Variants in ANAPC10 observed in about 807,000 individuals in gnomAD.
ANAPC10 encodes anaphase-promoting complex subunit 10.
Under a neutral mutation model 22.0 loss-of-function variants are expected in ANAPC10, and 12 were observed. That is an observed-to-expected ratio of 0.55 (90% CI 0.35 to 0.88). The LOEUF is 0.88. Among genes scored for constraint, ANAPC10 ranks in the 40% least tolerant of loss-of-function variants. ANAPC10 has a pLI of 0.01. For missense variants in ANAPC10, 188 were observed against 220.9 expected, an observed-to-expected ratio of 0.85 and a Z score of 0.94; for synonymous variants, 65 against 69.5, an observed-to-expected ratio of 0.94 and a Z score of 0.32.
At chr4:145,089,165 T>C (rs1747314325) in intron 2 of ANAPC10, among the ~76,000 whole-genome samples, 1 of 152,202 alleles carries the variant, frequency 6.6e-6, no homozygotes, top group Non-Finnish European at 1.5e-5. Context: ...CAAATATCAC[T>C]ATTCAACTCA....
intron 4 of ANAPC10, among the ~76,000 whole-genome samples, chr4:145,008,927 T>C (rs890525513): frequency 6.6e-6 from 1 of 151,950 alleles, no homozygotes; most frequent in African/African-American, 2.4e-5. Flanking sequence ...CATGATTATA[T>C]ATTTAGAAAA....
At chr4:144,999,732 C>G (rs1483411206) in intron 4 of ANAPC10, among the ~76,000 whole-genome samples, 1 of 152,140 alleles carries the variant, frequency 6.6e-6, no homozygotes, top group Non-Finnish European at 1.5e-5. Context: ...CAAAAAAGAG[C>G]CCGCATTGCC....
At chr4:145,039,185 A>C (rs866372724) in intron 4 of ANAPC10, among the ~76,000 whole-genome samples, 76 of 152,292 alleles carry the variant, frequency 5.0e-4, no homozygotes, top group African/African-American at 1.8e-3. Context: ...CAACATTTAC[A>C]ATAAAAACAA....
chr4:145,004,892 T>C (rs569128247), intron 4 of ANAPC10, among the ~76,000 whole-genome samples: 9 of 151,910 alleles, frequency 5.9e-5, no homozygotes, highest in Non-Finnish European at 1.2e-4. Context: ...TCCCTCTTCC[T>C]CAAAATTTCA....
At chr4:145,013,994 C>T (rs947288967) in intron 4 of ANAPC10, among the ~76,000 whole-genome samples, 5 of 152,040 alleles carry the variant, frequency 3.3e-5, no homozygotes, top group South Asian at 2.1e-4. Flanking sequence ...TTCAGGAGGG[C>T]GGCCAGCGGT....
At position 145,096,052 on chromosome 4, in the gene ANAPC10, C is replaced by T; in HGVS notation, c.48G>A (p.Leu16=). 6.2e-7 allele frequency: 1 copy of T among 1,614,130 alleles called. No individual in the cohort carries two copies. ...KTPPGADPKQ[L]ERTGTVREIG... is the part of the protein sequence containing the mutation. ...TTTCCCGTACTGTTCCAGTCCTTTC[C>T]AACTGCTTGGGGTCAGCACCAGGAG... is the stretch of plus-strand genomic sequence containing the variant. Residue 16 remains leucine, a synonymous_variant, in exon 2 of 5, where the codon TTG becomes TTA. Transcript: ENST00000507656.
chr4:145,094,415 G>A (rs1579185149), intron 2 of ANAPC10, among the ~76,000 whole-genome samples: 2 of 152,142 alleles, frequency 1.3e-5, no homozygotes, highest in Admixed American at 1.3e-4. Flanking sequence ...CTGCTTATAT[G>A]ACTGTACATG....
intron 3 of ANAPC10, among the ~76,000 whole-genome samples, chr4:145,075,602 C>T (rs13115967): frequency 0.2 from 30,582 of 151,910 alleles, 3,576 homozygotes; most frequent in East Asian, 0.45. Context: ...AGCTAGGAAC[C>T]GTGAATGGGG....
rs773311137 is a variant in ANAPC10, at chr4:144,995,486, T to C, written c.445A>G (p.Arg149Gly). ...IAVLANHQNGRDTHMRQIKIY... is the reference protein window; with the variant it reads ...IAVLANHQNGGDTHMRQIKIY... ...TTAATTTGTCTCATATGGGTGTCTC[T>C]TCCATTCTGGTGATTGGCTAGAACA... Residue 149 changes from arginine to glycine, a missense_variant, in exon 5 of 5, where the codon AGA becomes GGA. Arg to Gly is a moderately radical substitution (Grantham distance 125). Coordinates refer to ENST00000507656, the MANE Select transcript of ANAPC10 (RefSeq NM_001256706.2). 2 of 1,613,780 alleles carry C rather than the reference T, an allele frequency of 1.2e-6. No individual in the cohort carries two copies. Among genetic ancestry groups the C allele is most frequent in the South Asian group, 1.1e-5 (1 of 91,068 alleles).
chr4:145,033,730 C>G (rs1207529143), intron 4 of ANAPC10, among the ~76,000 whole-genome samples: 2 of 152,178 alleles, frequency 1.3e-5, no homozygotes, highest in Admixed American at 6.5e-5. Flanking sequence ...TGATGAGGTG[C>G]TTGCTGAAGG....
intron 4 of ANAPC10, among the ~76,000 whole-genome samples, chr4:144,997,068 C>T (rs987965740): frequency 1.3e-5 from 2 of 152,094 alleles, no homozygotes; most frequent in Non-Finnish European, 1.5e-5. Context: ...AACAAAGCCT[C>T]CAAGAAATAT....
intron 4 of ANAPC10, among the ~76,000 whole-genome samples, chr4:145,030,825 A>G (rs756606015): frequency 6.6e-6 from 1 of 152,226 alleles, no homozygotes; most frequent in Non-Finnish European, 1.5e-5. Context: ...TGCAAAGATT[A>G]GTGCCACCAT....
At chr4:145,092,772 T>A (rs1397711364) in intron 2 of ANAPC10, among the ~76,000 whole-genome samples, 5 of 151,984 alleles carry the variant, frequency 3.3e-5, no homozygotes, top group Non-Finnish European at 7.4e-5. Flanking sequence ...CAAACCCTTC[T>A]CTCCCATAGA....
chr4:145,096,032 C>T lies in ANAPC10; in HGVS notation c.68G>A (p.Arg23Gln), dbSNP rs770910770. 165 of 1,613,950 alleles carry T rather than the reference C, an allele frequency of 1.0e-4. No individual in the cohort carries two copies. Among genetic ancestry groups the T allele is most frequent in the Non-Finnish European group, 1.3e-4 (153 of 1,179,976 alleles). ...PKQLERTGTVREIGSQAVWSL... is the reference protein window; with the variant it reads ...PKQLERTGTVQEIGSQAVWSL... ...CCAAACAGCTTGTGACCCAATTTCC[C>T]GTACTGTTCCAGTCCTTTCCAACTG... The change falls in exon 2 of 5, where the codon CGG becomes CAG. Residue 23 changes from arginine to glutamine, a missense_variant. Physicochemically the swap from Arg to Gln is conservative, Grantham distance 43. Coordinates refer to ENST00000507656, the MANE Select transcript of ANAPC10 (RefSeq NM_001256706.2).
At chr4:145,069,849 T>C (rs754951565) in intron 3 of ANAPC10, among the ~76,000 whole-genome samples, 28 of 152,166 alleles carry the variant, frequency 1.8e-4, no homozygotes, top group Admixed American at 3.3e-4. Flanking sequence ...CAGCTATTTT[T>C]TGTGAACCAA....
intron 4 of ANAPC10, among the ~76,000 whole-genome samples, chr4:145,009,513 T>C (rs1733960505): frequency 6.6e-6 from 1 of 151,928 alleles, no homozygotes; most frequent in Admixed American, 6.6e-5. Flanking sequence ...TCAGAAATAA[T>C]ACCACACATC....
At chr4:145,090,865 G>C (rs1274814620) in intron 2 of ANAPC10, among the ~76,000 whole-genome samples, 2 of 152,152 alleles carry the variant, frequency 1.3e-5, no homozygotes, top group African/African-American at 4.8e-5. Context: ...TGACAGTAAA[G>C]ATTGTGTCTT....
At chr4:145,091,513 A>C (rs1747677480) in intron 2 of ANAPC10, among the ~76,000 whole-genome samples, 2 of 152,162 alleles carry the variant, frequency 1.3e-5, no homozygotes, top group African/African-American at 4.8e-5. Flanking sequence ...AAGCTGAAAA[A>C]GCTTTTAAAA....
At chr4:145,095,258 A>G (rs1270504313) in intron 2 of ANAPC10, among the ~76,000 whole-genome samples, 1 of 152,204 alleles carries the variant, frequency 6.6e-6, no homozygotes, top group Non-Finnish European at 1.5e-5. Flanking sequence ...AAAATATTAA[A>G]AGGGAAATTC....
Sources: allele counts gnomAD v4.1 joint callset (sites outside exome capture counted in the v4.1 genomes callset), GRCh38; gene constraint gnomAD v4.1.1; transcripts MANE v1.5; gene names NCBI Gene and HGNC (gene_info 2026-07-23, HGNC 2026-07-21).